SYT16: variants seen among roughly 807,000 people sequenced by gnomAD.
The protein encoded by SYT16 is synaptotagmin 16, also known as synaptotagmin-16.
SYT16 carries 42 observed loss-of-function variants against 61.4 expected under a neutral mutation model. That is an observed-to-expected ratio of 0.68 (90% CI 0.53 to 0.89). SYT16 has a LOEUF of 0.89. SYT16 is among the 40% of genes least tolerant of loss of function. The probability of loss-of-function intolerance (pLI) is 0.00; values close to 1 mark genes in which losing one functional copy is unlikely to be tolerated. For synonymous variants in SYT16, 314 were observed against 302.3 expected (o/e 1.04, Z -0.40); for missense variants, 804 against 807.3 (o/e 1.00, Z 0.05).
intron 7 of SYT16, among the ~76,000 whole-genome samples, chr14:62,087,479 G>A (rs1245569946): frequency 2.6e-5 from 4 of 152,198 alleles, no homozygotes; most frequent in Non-Finnish European, 2.9e-5. Flanking sequence ...AATCATGCCC[G>A]ACGGGGCGGT....
intron 1 of SYT16, among the ~76,000 whole-genome samples, chr14:61,836,689 GAA>G (rs1195158169): frequency 6.6e-6 from 1 of 152,166 alleles, no homozygotes; most frequent in Non-Finnish European, 1.5e-5. Flanking sequence ...TACCTTAAGA[GAA>G]AAGAGTCTCA....
intron 7 of SYT16, among the ~76,000 whole-genome samples, chr14:62,097,810 A>T (rs1292889965): frequency 6.6e-6 from 1 of 152,210 alleles, no homozygotes; most frequent in Non-Finnish European, 1.5e-5. Flanking sequence ...TGAAATGAGC[A>T]TGCTTTTGTT....
Position 62,078,155 on chromosome 14 carries a change from C to CTCTCTA in SYT16, c.994-2678_994-2677insCTCTAT, listed in dbSNP as rs766089633. ...GCTCTCTCGCTCTCTCTCTCTCTCT[C>CTCTCTA]TATATATATATATATAAACACACAC... On this transcript the variant is annotated intron_variant, in intron 5 of 7. Transcript: ENST00000683842. Among the ~76,000 whole-genome samples, 300 of 135,984 alleles carry CTCTCTA rather than the reference C, an allele frequency of 2.2e-3. 3 individuals are homozygous for CTCTCTA. In the Middle Eastern group the frequency reaches 0.023, roughly 10 times the overall value. 89.2% of individuals were successfully genotyped at this position (135,984 alleles called of 152,430 possible). A position where few individuals can be genotyped will look rare whatever the true frequency, so the allele number is the denominator to read the frequency against.
intron 1 of SYT16, among the ~76,000 whole-genome samples, chr14:61,949,045 A>T (rs2050561287): frequency 6.6e-6 from 1 of 152,188 alleles, no homozygotes; most frequent in Non-Finnish European, 1.5e-5. Context: ...CCTTGAGAAG[A>T]TCCAGCTTTT....
At chr14:61,887,655 A>G (rs980816791) in intron 1 of SYT16, among the ~76,000 whole-genome samples, 1 of 152,184 alleles carries the variant, frequency 6.6e-6, no homozygotes, top group East Asian at 1.9e-4. Context: ...TATATTATGG[A>G]GATGGCTTCT....
intron 2 of SYT16, among the ~76,000 whole-genome samples, chr14:61,982,491 C>G (rs1170359999): frequency 2.6e-5 from 4 of 152,096 alleles, no homozygotes; most frequent in Admixed American, 2.6e-4. Flanking sequence ...TCTCATGAGA[C>G]TTATTCACTA....
chr14:61,938,187 G>T (rs1187387476), intron 1 of SYT16, among the ~76,000 whole-genome samples: 2 of 152,148 alleles, frequency 1.3e-5, no homozygotes, highest in African/African-American at 4.8e-5. Flanking sequence ...GGTGGGGATT[G>T]CTACAGGCTC....
At chr14:62,032,847 G>A (rs1001894339) in intron 3 of SYT16, among the ~76,000 whole-genome samples, 11 of 151,736 alleles carry the variant, frequency 7.2e-5, no homozygotes, top group Admixed American at 4.0e-4. Context: ...AGCCCATTTA[G>A]CTAATGAAAG....
intron 2 of SYT16, among the ~76,000 whole-genome samples, chr14:61,974,764 A>C (rs543206972): frequency 2.9e-4 from 44 of 152,356 alleles, no homozygotes; most frequent in African/African-American, 1.0e-3. Flanking sequence ...GATTCTCCAG[A>C]GAAAGATAAG....
At chr14:62,018,358 A>G (rs1454758245) in intron 3 of SYT16, among the ~76,000 whole-genome samples, 1 of 118,834 alleles carries the variant, frequency 8.4e-6, no homozygotes, top group East Asian at 2.6e-4. Flanking sequence ...CCCAGGCTGG[A>G]GTGCAATGGC....
At chr14:61,874,473 T>C (rs1163426422) in intron 1 of SYT16, among the ~76,000 whole-genome samples, 2 of 152,236 alleles carry the variant, frequency 1.3e-5, no homozygotes, top group African/African-American at 4.8e-5. Context: ...ATCCCTTGTG[T>C]ATACCGAGGA....
At chr14:61,956,926 T>C (rs2050900156) in intron 1 of SYT16, among the ~76,000 whole-genome samples, 2 of 151,960 alleles carry the variant, frequency 1.3e-5, no homozygotes, top group Admixed American at 1.3e-4. Context: ...CAATATTTAT[T>C]ATTCCAATTC....
At chr14:61,867,891 A>G (rs956640426) in intron 1 of SYT16, among the ~76,000 whole-genome samples, 3 of 152,066 alleles carry the variant, frequency 2.0e-5, no homozygotes, top group Non-Finnish European at 4.4e-5. Context: ...GAATTTTGCC[A>G]AGTGCTTTTT....
At chr14:61,974,846 A>G (rs1240061239) in intron 2 of SYT16, among the ~76,000 whole-genome samples, 1 of 152,204 alleles carries the variant, frequency 6.6e-6, no homozygotes, top group African/African-American at 2.4e-5. Context: ...GCTCAGAAGG[A>G]TGGTTGCTAA....
In SYT16 at chr14:61,991,581, G is replaced by A. The variant is rs113531453; in HGVS notation, c.-144-4295G>A. Among the ~76,000 whole-genome samples, 1,019 of 152,182 alleles carry A rather than the reference G, an allele frequency of 6.7e-3. 15 individuals carry two copies. Among genetic ancestry groups the A allele is most frequent in the African/African-American group, 0.023 (936 of 41,512 alleles). On this transcript the variant is annotated intron_variant, in intron 2 of 7. Transcript: ENST00000683842. The stretch of plus-strand genomic sequence containing the variant: ...TAGCATAAAATGAAAGATCTCTGGC[G>A]TTGCTAACTAGGTAGTTTTTCAGAT...
At chr14:61,984,031 T>G (rs2140573208) in intron 2 of SYT16, among the ~76,000 whole-genome samples, 1 of 152,298 alleles carries the variant, frequency 6.6e-6, no homozygotes, top group African/African-American at 2.4e-5. Context: ...AAAATTATCT[T>G]GAAGCAAAAT....
intron 3 of SYT16, among the ~76,000 whole-genome samples, chr14:62,055,902 C>T (rs912013919): frequency 1.3e-5 from 2 of 152,046 alleles, no homozygotes; most frequent in East Asian, 1.9e-4. Flanking sequence ...GTGGTGAAGC[C>T]GACAGAGCAG....
At chr14:61,889,589 C>A (rs217684) in intron 1 of SYT16, among the ~76,000 whole-genome samples, 10 of 150,726 alleles carry the variant, frequency 6.6e-5, no homozygotes, top group African/African-American at 2.2e-4. Flanking sequence ...GCTCTTGCTC[C>A]CTCTCTCTCT....
chr14:61,938,191 C>T (rs1433419986), intron 1 of SYT16, among the ~76,000 whole-genome samples: 2 of 152,102 alleles, frequency 1.3e-5, no homozygotes, highest in Non-Finnish European at 2.9e-5. Context: ...GGGATTGCTA[C>T]AGGCTCTGCT....
Sources: gnomAD v4.1 joint callset for allele counts (sites outside exome capture counted in the v4.1 genomes callset) on GRCh38, gnomAD v4.1.1 for gene constraint, MANE v1.5 for transcripts, NCBI Gene and HGNC (gene_info 2026-07-23, HGNC 2026-07-21) for gene names.